Variants in NTM observed in about 807,000 individuals in gnomAD.
The protein encoded by NTM is neurotrimin, also known as IgLON family member 2.
Under a neutral mutation model 42.1 loss-of-function variants are expected in NTM, and 13 were observed. The ratio of observed to expected loss-of-function variants is 0.31; its 90% CI spans 0.20 to 0.49. The LOEUF (loss-of-function observed/expected upper bound fraction) is 0.49, where lower values mean the gene tolerates loss of function less well. NTM is among the 20% of genes least tolerant of loss of function. The probability of loss-of-function intolerance (pLI) is 0.99; values close to 1 mark genes in which losing one functional copy is unlikely to be tolerated. For synonymous variants in NTM, 187 were observed against 179.2 expected, an observed-to-expected ratio of 1.04 and a Z score of -0.35; for missense variants, 373 against 452.8, an observed-to-expected ratio of 0.82 and a Z score of 1.60.
At position 131,721,712 on chromosome 11, in the gene NTM, G is replaced by A. The variant is rs1014870736; in HGVS notation, c.83-189852G>A. Among the ~76,000 whole-genome samples, 33 of 152,060 alleles carry A rather than the reference G, an allele frequency of 2.2e-4. No homozygotes were observed. The East Asian group carries it at 6.4e-3, about 29-fold the overall frequency. On this transcript the variant is annotated intron_variant, in intron 1 of 8. Transcript: ENST00000683400. ...TTCTGTGAGGATTAGATGAAATAAT[G>A]CGGGCCAGGAGCAGTGGCTCACACC...
Position 132,198,039 on chromosome 11 carries a change from A to G in NTM, c.401-13983A>G, listed in dbSNP as rs1311093381. On this transcript the variant is annotated intron_variant, in intron 3 of 8. Coordinates refer to ENST00000683400, the MANE Select transcript of NTM (RefSeq NM_001352005.2). ...AGTAACGGGATGGCTGGGTCAAATG[A>G]TATTTCTAGTTCTAGATCCCTGAGG... Among the ~76,000 whole-genome samples the G allele has an allele frequency of 9.2e-5, 14 of 152,176 alleles. No individual in the cohort carries two copies. The East Asian group carries it at 2.1e-3, about 23-fold the overall frequency.
chr11:131,639,846 C>G (rs1365221105), intron 1 of NTM, among the ~76,000 whole-genome samples: 1 of 152,048 alleles, frequency 6.6e-6, no homozygotes, highest in African/African-American at 2.4e-5. Context: ...GTCCCAGCTA[C>G]TTGAGAGGCT....
intron 1 of NTM, among the ~76,000 whole-genome samples, chr11:131,873,541 TATATATACATATATATATACC>T (rs879578008): frequency 0.058 from 3,405 of 59,142 alleles, 302 homozygotes; most frequent in East Asian, 0.31. Context: ...TGTGTGTGTA[TATATATACATATATATATACC>T]GTATATATAT....
chr11:131,685,918 C>T (rs774048282), intron 1 of NTM, among the ~76,000 whole-genome samples: 2 of 152,200 alleles, frequency 1.3e-5, no homozygotes, highest in South Asian at 2.1e-4. Flanking sequence ...TCTGACATCC[C>T]ACAGCCTTGT....
chr11:131,964,704 C>T (rs1216482479), intron 2 of NTM, among the ~76,000 whole-genome samples: 2 of 152,194 alleles, frequency 1.3e-5, no homozygotes, highest in African/African-American at 4.8e-5. Context: ...CCATCATCGT[C>T]AGCCTCCCAG....
intron 7 of NTM, among the ~76,000 whole-genome samples, chr11:132,316,553 T>A (rs949283111): frequency 2.0e-5 from 3 of 152,132 alleles, no homozygotes; most frequent in African/African-American, 7.2e-5. Flanking sequence ...GTGGGGTACA[T>A]GTGGGGATGT....
chr11:131,925,520 G>A (rs1428529371), intron 2 of NTM, among the ~76,000 whole-genome samples: 2 of 151,580 alleles, frequency 1.3e-5, no homozygotes, highest in Admixed American at 6.6e-5. Context: ...CAAATAGCTG[G>A]GACCACAGGT....
chr11:131,780,213 A>G (rs1555122995), intron 1 of NTM, among the ~76,000 whole-genome samples: 1 of 152,162 alleles, frequency 6.6e-6, no homozygotes, highest in Non-Finnish European at 1.5e-5. Context: ...AAGCAGAGAA[A>G]CCAGTTAGAT....
At chr11:132,184,763 C>G (rs775803408) in intron 3 of NTM, among the ~76,000 whole-genome samples, 2 of 152,162 alleles carry the variant, frequency 1.3e-5, no homozygotes, top group Non-Finnish European at 2.9e-5. Context: ...ATGAGCTACA[C>G]AAATTTTTTG....
intron 2 of NTM, among the ~76,000 whole-genome samples, chr11:132,069,707 G>GTAA (rs1566076704): frequency 3.1e-5 from 2 of 64,376 alleles, no homozygotes; most frequent in Middle Eastern, 0.01. Flanking sequence ...CACACAGCCA[G>GTAA]GTTAACACGT....
intron 2 of NTM, among the ~76,000 whole-genome samples, chr11:132,120,224 A>T (rs1468861938): frequency 6.6e-6 from 1 of 152,140 alleles, no homozygotes; most frequent in Non-Finnish European, 1.5e-5. Flanking sequence ...ATCAGAGCTC[A>T]TGGCTCCTTC....
intron 2 of NTM, among the ~76,000 whole-genome samples, chr11:132,108,217 A>T (rs1432398959): frequency 1.3e-5 from 2 of 152,082 alleles, no homozygotes; most frequent in Non-Finnish European, 2.9e-5. Context: ...TCATACCTTT[A>T]CCTCTATTTC....
chr11:132,052,380 T>G (rs2078975010), intron 2 of NTM, among the ~76,000 whole-genome samples: 1 of 152,262 alleles, frequency 6.6e-6, no homozygotes, highest in Middle Eastern at 3.4e-3. Context: ...TAGACAGTGA[T>G]GTTTGAGTAC....
At chr11:132,193,224 C>T (rs1405741566) in intron 3 of NTM, among the ~76,000 whole-genome samples, 1 of 152,110 alleles carries the variant, frequency 6.6e-6, no homozygotes, top group Non-Finnish European at 1.5e-5. Flanking sequence ...CTGTATATGG[C>T]ACATACTCTA....
intron 4 of NTM, among the ~76,000 whole-genome samples, chr11:132,232,156 AG>A (rs1325678816): frequency 2.0e-5 from 3 of 152,232 alleles, no homozygotes; most frequent in Admixed American, 1.3e-4. Context: ...CTGAGAAGTC[AG>A]CCCTTCAGAG....
At chr11:132,179,052 A>G (rs1222420337) in intron 3 of NTM, among the ~76,000 whole-genome samples, 1 of 152,072 alleles carries the variant, frequency 6.6e-6, no homozygotes. Flanking sequence ...GGTTTCAGGC[A>G]CTCTATACTG....
rs1413150718 is a variant in NTM at position 131,390,747 on chromosome 11, T to G, written c.82+19859T>G. The stretch of plus-strand genomic sequence containing the variant: ...TGGTCCCTGGCTGGCAGCATCAGGG[T>G]CCCCTGGCACTTGTTAGCAATATGA... On this transcript the variant is annotated intron_variant, in intron 1 of 8. Coordinates refer to ENST00000683400, the MANE Select transcript of NTM (RefSeq NM_001352005.2). 2.0e-5 allele frequency among the ~76,000 whole-genome samples: 3 copies of G among 152,082 alleles called. No homozygotes were observed. In the East Asian group the frequency reaches 5.8e-4, roughly 30 times the overall value.
At chr11:132,148,771 A>G (rs989849429) in intron 3 of NTM, among the ~76,000 whole-genome samples, 1 of 152,160 alleles carries the variant, frequency 6.6e-6, no homozygotes, top group East Asian at 1.9e-4. Flanking sequence ...GTGATCTTAT[A>G]TGGGCTCCAA....
chr11:131,606,867 G>A (rs1403292426), intron 1 of NTM, among the ~76,000 whole-genome samples: 1 of 152,200 alleles, frequency 6.6e-6, no homozygotes, highest in Non-Finnish European at 1.5e-5. Flanking sequence ...CGTGGTTTAA[G>A]AGACCACATG....
Sources: allele counts gnomAD v4.1 joint callset (sites outside exome capture counted in the v4.1 genomes callset), GRCh38; gene constraint gnomAD v4.1.1; transcripts MANE v1.5; gene names NCBI Gene and HGNC (gene_info 2026-07-23, HGNC 2026-07-21).